The following ZNF558 variants were observed in gnomAD, a reference collection of about 807,000 sequenced individuals.
ZNF558 encodes zinc finger protein 558.
A neutral mutation model predicts 37.6 loss-of-function variants in ZNF558; 23 were observed. The observed-to-expected ratio is 0.61, with a 90% CI of 0.44 to 0.87. ZNF558 has a LOEUF of 0.87. ZNF558 is among the 40% of genes least tolerant of loss of function. ZNF558 has a pLI of 0.00. For synonymous variants in ZNF558, 189 were observed against 174.4 expected (o/e 1.08, Z -0.66); for missense variants, 429 against 483.7 (o/e 0.89, Z 1.06).
chr19:8,832,693 G>C (rs1809319853), upstream of ZNF558, among the ~76,000 whole-genome samples: 1 of 151,884 alleles, frequency 6.6e-6, no homozygotes, highest in Non-Finnish European at 1.5e-5. Flanking sequence ...TTCCAGGGTC[G>C]GGGCTGTGGG....
chr19:8,825,221 G>A (rs1305916498), intron 2 of ZNF558, 113 bp from the exon 3 acceptor site: 1 of 152,228 alleles, frequency 6.6e-6, no homozygotes. Context: ...AAAGACACGT[G>A]TAAGATGATT....
chr19:8,831,650 GGA>G (rs1176926741), intron 1 of ZNF558, among the ~76,000 whole-genome samples: 2 of 152,226 alleles, frequency 1.3e-5, no homozygotes, highest in East Asian at 3.8e-4. Flanking sequence ...TTACTACGCT[GGA>G]GAGAGATTCT....
In ZNF558 at chr19:8,811,309, T is replaced by G. The variant is rs2043782686; in HGVS notation, c.1181A>C (p.His394Pro). Reference protein sequence around the residue: ...SFTSNSYLSVHKRIHNRWI With the variant: ...SFTSNSYLSVPKRIHNRWI ...TATCCATCTATTATGTATTCTCTTG[T>G]GCACAGAAAGATAGGAGTTACTTGT... is the stretch of plus-strand genomic sequence containing the variant. Residue 394 changes from histidine to proline, a missense_variant, in exon 10 of 10, where the codon CAC becomes CCC. Transcript: ENST00000601372. The G allele has an allele frequency of 2.5e-6, 4 of 1,597,688 alleles. No homozygotes were observed. The highest frequency in any genetic ancestry group is 3.4e-6 in the Non-Finnish European group (4 of 1,172,810).
At chr19:8,821,894 G>A in intron 6 of ZNF558, 109 bp downstream of exon 6, 1 of 1,536,270 alleles carries the variant, frequency 6.5e-7, no homozygotes, top group Non-Finnish European at 8.8e-7. Context: ...GAAATCCTGG[G>A]ATGCCTGAGG....
chr19:8,819,425 T>C (rs977718916), intron 7 of ZNF558, among the ~76,000 whole-genome samples: 9 of 151,856 alleles, frequency 5.9e-5, no homozygotes, highest in African/African-American at 2.2e-4. Context: ...AAGTGATCCA[T>C]CCATCTCAGC....
intron 9 of ZNF558, 29 bp from the exon 10 acceptor site, chr19:8,812,092 T>C (rs782476845): frequency 1.4e-6 from 2 of 1,469,092 alleles, no homozygotes; most frequent in Non-Finnish European, 1.8e-6. Context: ...ATGATAACTA[T>C]AATTTATAAT....
rs1266833216 is a variant in ZNF558 at position 8,821,305 on chromosome 19, C to T, written c.122G>A (p.Gly41Asp). The T allele has an allele frequency of 3.0e-5, 48 of 1,614,076 alleles. No homozygotes were observed. The highest frequency in any genetic ancestry group is 3.7e-5 in the Non-Finnish European group (44 of 1,180,048). ...GGCCACATCCTCGAAGGTTACCAAG[C>T]CCTAAAGCATTGCAAACATCACGGC... ...VNELLTSWLRGLVTFEDVAVE... is the reference protein window; with the variant it reads ...VNELLTSWLRDLVTFEDVAVE... The change falls in exon 7 of 10, where the codon GGC becomes GAC. Residue 41 changes from glycine to aspartate, a missense_variant and splice_region_variant. By Grantham distance (94) the Gly-to-Asp change is moderately conservative. Coordinates refer to ENST00000601372, the MANE Select transcript of ZNF558 (RefSeq NM_144693.3).
At chr19:8,824,773 T>C (rs1322895272) in intron 3 of ZNF558, among the ~76,000 whole-genome samples, 1 of 152,216 alleles carries the variant, frequency 6.6e-6, no homozygotes, top group Non-Finnish European at 1.5e-5. Flanking sequence ...CCCGTGCTGC[T>C]AGACCCTTCC....
chr19:8,825,132 T>A (rs1300060660), intron 2 of ZNF558, 24 bp from the exon 3 acceptor site: 1 of 152,216 alleles, frequency 6.6e-6, no homozygotes, highest in Non-Finnish European at 1.5e-5. Flanking sequence ...CGTGCTGATG[T>A]CAAGCAAACC....
chr19:8,834,829 G>C (rs2044437331), upstream of ZNF558, among the ~76,000 whole-genome samples: 1 of 151,992 alleles, frequency 6.6e-6, no homozygotes, highest in South Asian at 2.1e-4. Flanking sequence ...TTGTTTCTTA[G>C]ATATGACATC....
At chr19:8,821,129 A>T (rs1261578541) in intron 7 of ZNF558, 51 bp downstream of exon 7, 2 of 1,589,048 alleles carry the variant, frequency 1.3e-6, no homozygotes, top group Admixed American at 1.8e-5. Context: ...AAAGCAGGCA[A>T]GTGTTGCCAC....
chr19:8,813,239 T>A lies in ZNF558; in HGVS notation c.248-17A>T. On this transcript the variant is annotated splice_polypyrimidine_tract_variant and intron_variant, in intron 7 of 9. Transcript: ENST00000601372. ...CACGACACCCTATTTATGGAAACAA[T>A]ACACATGATATAGGTAACAGTGCTG... The A allele has an allele frequency of 6.4e-7, 1 of 1,560,668 alleles. No homozygotes were observed. Among genetic ancestry groups the A allele is most frequent in the South Asian group, 1.2e-5 (1 of 85,282 alleles).
rs529172721 is a variant in ZNF558, at chr19:8,820,753, G to C, written c.247+427C>G. Among the ~76,000 whole-genome samples the C allele has an allele frequency of 2.0e-5, 3 of 152,300 alleles. No individual in the cohort carries two copies. The East Asian group carries it at 5.8e-4, about 29-fold the overall frequency. On this transcript the variant is annotated intron_variant, in intron 7 of 9. Transcript: ENST00000601372. The stretch of plus-strand genomic sequence containing the variant: ...GGCCTCCCAAAGTGCTGGGATTACA[G>C]GTGTGAGCCACCACACCTGGCCCAT...
At chr19:8,834,128 C>T (rs2044425629), upstream of ZNF558, among the ~76,000 whole-genome samples, 1 of 152,200 alleles carries the variant, frequency 6.6e-6, no homozygotes, top group Admixed American at 6.5e-5. Context: ...GATATTGTTT[C>T]ATGCACCCGT....
chr19:8,815,476 G>C (rs886983292), intron 7 of ZNF558, among the ~76,000 whole-genome samples: 1 of 151,972 alleles, frequency 6.6e-6, no homozygotes, highest in Non-Finnish European at 1.5e-5. Flanking sequence ...ATATTATCCA[G>C]TCTGAGGAGC....
chr19:8,821,018 T>C (rs1182631494), intron 7 of ZNF558, among the ~76,000 whole-genome samples, 162 bp downstream of exon 7: 1 of 152,126 alleles, frequency 6.6e-6, no homozygotes, highest in Non-Finnish European at 1.5e-5. Flanking sequence ...GGTTGCACAA[T>C]ACCATGAATG....
chr19:8,813,132 C>T lies in ZNF558; in HGVS notation c.338G>A (p.Cys113Tyr), dbSNP rs369247434. Reference sequence around the variant, plus strand: ...CATATCCACCTGGTGCTCACCTGGACAGGTGCTTGGTAGAATTCCTCTTTC... The same window carrying T: ...CATATCCACCTGGTGCTCACCTGGATAGGTGCTTGGTAGAATTCCTCTTTC... ...TEERGILPSTCPDLETLLKAK... is the reference protein window; with the variant it reads ...TEERGILPSTYPDLETLLKAK... The change falls in exon 8 of 10, where the codon TGT becomes TAT. Residue 113 changes from cysteine (C) to tyrosine (Y), a missense_variant. By Grantham distance (194) the Cys-to-Tyr change is radical. Coordinates refer to ENST00000601372, the MANE Select transcript of ZNF558 (RefSeq NM_144693.3). 38 of 1,585,130 alleles carry T rather than the reference C, an allele frequency of 2.4e-5. No homozygotes were observed. Among genetic ancestry groups the T allele is most frequent in the Non-Finnish European group, 3.1e-5 (36 of 1,164,184 alleles).
intron 7 of ZNF558, among the ~76,000 whole-genome samples, chr19:8,815,799 G>GAA (rs1665349707): frequency 7.0e-6 from 1 of 143,882 alleles, no homozygotes; most frequent in African/African-American, 2.7e-5. Context: ...CAAAGATAAA[G>GAA]AGAGAGAGAG....
At chr19:8,813,039 A>G (rs906283224) in intron 8 of ZNF558, 88 bp downstream of exon 8, 6 of 1,025,740 alleles carry the variant, frequency 5.8e-6, no homozygotes, top group Admixed American at 4.3e-5. Flanking sequence ...AAGTTCCCTG[A>G]TTGACATGAA....
Sources: gnomAD v4.1 joint callset for allele counts (sites outside exome capture counted in the v4.1 genomes callset) on GRCh38, gnomAD v4.1.1 for gene constraint, MANE v1.5 for transcripts, NCBI Gene and HGNC (gene_info 2026-07-23, HGNC 2026-07-21) for gene names.